Variants in NBPF14 observed in about 807,000 individuals in gnomAD.
NBPF14 encodes NBPF member 14, also known as NBPF family member NBPF14.
Under a neutral mutation model 91.2 loss-of-function variants are expected in NBPF14, and 104 were observed. That is an observed-to-expected ratio of 1.14 (90% CI 0.97 to 1.34). NBPF14 has a LOEUF of 1.34. Among genes scored for constraint, NBPF14 ranks in the 40% most tolerant of loss-of-function variants. The probability of loss-of-function intolerance (pLI) is 0.00; values close to 1 mark genes in which losing one functional copy is unlikely to be tolerated. For synonymous variants in NBPF14, 294 were observed against 303.8 expected (o/e 0.97, Z 0.34); for missense variants, 908 against 783.0 (o/e 1.16, Z -1.91).
intron 6 of NBPF14, among the ~76,000 whole-genome samples, chr1:148,590,215 ATT>A (rs1261308189): frequency 7.6e-5 from 9 of 118,768 alleles, no homozygotes; most frequent in Admixed American, 2.5e-4. Flanking sequence ...ACGCCCAGCT[ATT>A]TTTTTTTTTT....
At chr1:148,593,344 A>G (rs1329428134) in intron 3 of NBPF14, among the ~76,000 whole-genome samples, 3 of 148,650 alleles carry the variant, frequency 2.0e-5, no homozygotes, top group Non-Finnish European at 4.5e-5. Flanking sequence ...TCCTTTGGTG[A>G]ATTTTGTGTT....
intron 67 of NBPF14, among the ~76,000 whole-genome samples, chr1:148,535,987 G>C (rs1367790062): frequency 0.013 from 1,824 of 136,832 alleles, 2 homozygotes; most frequent in African/African-American, 0.033. Flanking sequence ...AACATCTTGA[G>C]AGTAGGATTA....
At chr1:148,535,340 G>A (rs1274532881) in intron 68 of NBPF14, 113 bp downstream of exon 68, 2 of 588,156 alleles carry the variant, frequency 3.4e-6, no homozygotes, top group African/African-American at 2.1e-5. Context: ...ATGTCAGTAG[G>A]AGTAATTCAA....
At chr1:148,593,154 G>A (rs1254382582) in intron 3 of NBPF14, among the ~76,000 whole-genome samples, 1 of 147,474 alleles carries the variant, frequency 6.8e-6, no homozygotes, top group Admixed American at 6.7e-5. Flanking sequence ...GAGGCCAGGT[G>A]CAGATGGGGC....
intron 24 of NBPF14, 93 bp from the exon 25 acceptor site, chr1:148,569,520 TG>T: frequency 4.0e-6 from 1 of 249,894 alleles, no homozygotes; most frequent in South Asian, 2.5e-5. Flanking sequence ...AGGAAGAGTT[TG>T]AAAAGAAAAA....
chr1:148,566,508 GACACACACACACAC>G (rs1170223898), intron 28 of NBPF14, among the ~76,000 whole-genome samples, 193 bp from the exon 29 acceptor site: 4 of 122,020 alleles, frequency 3.3e-5, no homozygotes, highest in African/African-American at 1.2e-4. Flanking sequence ...GAGAAAGACA[GACACACACACACAC>G]ACACACACAC....
chr1:148,595,203 A>T (rs1275536427), intron 2 of NBPF14, among the ~76,000 whole-genome samples: 1 of 147,504 alleles, frequency 6.8e-6, no homozygotes, highest in African/African-American at 2.5e-5. Flanking sequence ...ACAACAGACT[A>T]GATGTTATTT....
At chr1:148,560,267 C>T (rs1458529503) in intron 36 of NBPF14, among the ~76,000 whole-genome samples, 2 of 145,958 alleles carry the variant, frequency 1.4e-5, no homozygotes, top group South Asian at 2.2e-4. Context: ...TGAGTTAGTG[C>T]CCTCATGACA....
At chr1:148,595,511 C>G in intron 2 of NBPF14, 32 bp downstream of exon 2, 1 of 1,500,538 alleles carries the variant, frequency 6.7e-7, no homozygotes. Context: ...TATCATTCAT[C>G]ACTTTCATGA....
chr1:148,538,043 GA>G, intron 64 of NBPF14, 37 bp from the exon 65 acceptor site: 1 of 181,318 alleles, frequency 5.5e-6, no homozygotes. Flanking sequence ...TAAGCCAGGG[GA>G]AATCAGACAC....
exon 37 of NBPF14, chr1:148,559,933 G>A (rs1657409144): frequency 3.6e-6 from 5 of 1,372,756 alleles, no homozygotes; most frequent in Admixed American, 3.6e-5. Flanking sequence ...CAAGACTTCA[G>A]GCCCTTTCTC....
intron 13 of NBPF14, among the ~76,000 whole-genome samples, chr1:148,578,752 G>A (rs1206164853): frequency 6.9e-6 from 1 of 145,502 alleles, no homozygotes; most frequent in Non-Finnish European, 1.5e-5. Context: ...ATTCAGATGA[G>A]CTGATCTGAC....
chr1:148,534,058 C>A (rs1654369873), intron 69 of NBPF14, 89 bp from the exon 70 acceptor site: 2 of 610,176 alleles, frequency 3.3e-6, no homozygotes. Flanking sequence ...ACAGGGACCT[C>A]AGGCTCCTCA....
chr1:148,533,486 T>A (rs1320970664), intron 70 of NBPF14, among the ~76,000 whole-genome samples: 2 of 151,568 alleles, frequency 1.3e-5, no homozygotes, highest in East Asian at 1.9e-4. Context: ...GAAAGTGACC[T>A]AGTGAATTGG....
At chr1:148,534,789 A>C in exon 69 of NBPF14, 2 of 882,164 alleles carry the variant, frequency 2.3e-6, no homozygotes, top group Non-Finnish European at 3.8e-6. Flanking sequence ...GAAGGAGTCG[A>C]ATAACATCTA....
exon 37 of NBPF14, chr1:148,559,808 C>A (rs1262199618): frequency 5.9e-6 from 9 of 1,528,540 alleles, no homozygotes; most frequent in Non-Finnish European, 7.9e-6. Flanking sequence ...ATGTCAACAG[C>A]CAAGCCAACA....
chr1:148,593,533 C>T (rs1354738091), intron 3 of NBPF14, 65 bp downstream of exon 3: 104 of 1,260,896 alleles, frequency 8.2e-5, no homozygotes, highest in African/African-American at 7.6e-4. Flanking sequence ...TTCTCCCCGC[C>T]GAGCTGCTGT....
chr1:148,595,376 T>TG (rs1663154227), intron 2 of NBPF14, among the ~76,000 whole-genome samples, 167 bp downstream of exon 2: 2 of 148,418 alleles, frequency 1.3e-5, no homozygotes, highest in Non-Finnish European at 3.0e-5. Context: ...CTAAATACTT[T>TG]GGCACCTCTG....
intron 13 of NBPF14, among the ~76,000 whole-genome samples, 166 bp from the exon 14 acceptor site, chr1:148,578,200 G>T (rs1383939314): frequency 6.6e-6 from 1 of 151,918 alleles, no homozygotes; most frequent in East Asian, 1.9e-4. Flanking sequence ...GAGAAAACTG[G>T]CTTGTGTTCT....
Sources: allele counts gnomAD v4.1 joint callset (sites outside exome capture counted in the v4.1 genomes callset), GRCh38; gene constraint gnomAD v4.1.1; transcripts MANE v1.5; gene names NCBI Gene and HGNC (gene_info 2026-07-23, HGNC 2026-07-21).